Variants in ADAMTS17 observed in about 807,000 individuals in gnomAD.
ADAMTS17 encodes ADAM metallopeptidase with thrombospondin type 1 motif 17, also known as A disintegrin and metalloproteinase with thrombospondin motifs 17.
A neutral mutation model predicts 141.5 loss-of-function variants in ADAMTS17; 113 were observed. The observed-to-expected ratio is 0.80, with a 90% CI of 0.69 to 0.93. The LOEUF (loss-of-function observed/expected upper bound fraction) is 0.93, where lower values mean the gene tolerates loss of function less well. Among genes scored for constraint, ADAMTS17 ranks in the 40% least tolerant of loss-of-function variants. The pLI, the probability that ADAMTS17 is intolerant of heterozygous loss-of-function variation, is 0.00. For synonymous variants in ADAMTS17, 768 were observed against 630.6 expected (o/e 1.22, Z -3.27); for missense variants, 1,659 against 1,517.9 (o/e 1.09, Z -1.54).
At chr15:100,133,823 G>C (rs1326389922) in intron 10 of ADAMTS17, among the ~76,000 whole-genome samples, 1 of 152,226 alleles carries the variant, frequency 6.6e-6, no homozygotes, top group Non-Finnish European at 1.5e-5. Context: ...TGAAGGACTG[G>C]TACCCCGACA....
intron 3 of ADAMTS17, among the ~76,000 whole-genome samples, chr15:100,285,490 A>G (rs1196976151): frequency 1.3e-5 from 2 of 152,252 alleles, no homozygotes; most frequent in African/African-American, 4.8e-5. Context: ...CAATACGTAG[A>G]TCAAAAAATA....
At chr15:100,242,682 C>A (rs2042862988) in intron 7 of ADAMTS17, among the ~76,000 whole-genome samples, 1 of 152,204 alleles carries the variant, frequency 6.6e-6, no homozygotes. Flanking sequence ...GGGGAGAAGG[C>A]AGGAGGAGCT....
chr15:100,085,701 T>G (rs890868994), intron 15 of ADAMTS17, among the ~76,000 whole-genome samples: 1 of 150,424 alleles, frequency 6.6e-6, no homozygotes. Flanking sequence ...TCAACATTCT[T>G]AAAGAAAAGA....
At chr15:100,240,541 A>G (rs1489523460) in intron 7 of ADAMTS17, among the ~76,000 whole-genome samples, 3 of 152,158 alleles carry the variant, frequency 2.0e-5, no homozygotes, top group Non-Finnish European at 4.4e-5. Context: ...ACAGAAGTTA[A>G]TCACTGGAGA....
intron 13 of ADAMTS17, among the ~76,000 whole-genome samples, chr15:100,114,914 C>T (rs1370130517): frequency 6.6e-6 from 1 of 152,208 alleles, no homozygotes; most frequent in Non-Finnish European, 1.5e-5. Context: ...TGTGGAAACA[C>T]AGACATTTCA....
Position 100,152,729 on chromosome 15 carries a change from G to A in ADAMTS17, c.1356C>T (p.Asp452=), listed in dbSNP as rs1430410927. Residue 452 remains aspartate, a synonymous_variant, in exon 10 of 22, where the codon GAC becomes GAT. Transcript: ENST00000268070. ...GGCGTACTGTGTGCTGGCTTCTGGG[G>A]TCCGTGACTAGCAAGCAGGTGCTGA... ...SKVSTCLLVT[D]PRSQHTVRLP... is the part of the protein sequence containing the mutation. The A allele has an allele frequency of 6.2e-7, 1 of 1,614,258 alleles. No homozygotes were observed. Among genetic ancestry groups the A allele is most frequent in the East Asian group, 2.2e-5 (1 of 44,886 alleles).
intron 4 of ADAMTS17, among the ~76,000 whole-genome samples, chr15:100,267,058 G>A (rs566257502): frequency 1.1e-4 from 17 of 152,228 alleles, no homozygotes; most frequent in African/African-American, 3.6e-4. Context: ...GTACTTACCT[G>A]TAGTGTTAAT....
intron 12 of ADAMTS17, among the ~76,000 whole-genome samples, chr15:100,120,869 G>T (rs984039046): frequency 1.3e-5 from 2 of 152,212 alleles, no homozygotes; most frequent in Non-Finnish European, 2.9e-5. Context: ...AAAATGTATT[G>T]GCGGAGCCTG....
intron 18 of ADAMTS17, among the ~76,000 whole-genome samples, chr15:100,025,505 G>A (rs1567688937): frequency 6.6e-6 from 1 of 151,116 alleles, no homozygotes; most frequent in Non-Finnish European, 1.5e-5. Context: ...TCCACCCCCA[G>A]GGTTCAAGCA....
intron 18 of ADAMTS17, among the ~76,000 whole-genome samples, chr15:100,040,160 G>C (rs1240004598): frequency 6.6e-6 from 1 of 152,204 alleles, no homozygotes; most frequent in Non-Finnish European, 1.5e-5. Flanking sequence ...AGTCCGCCAA[G>C]AATGACCTTC....
intron 7 of ADAMTS17, among the ~76,000 whole-genome samples, chr15:100,202,547 C>A (rs1013098809): frequency 6.6e-6 from 1 of 152,154 alleles, no homozygotes; most frequent in African/African-American, 2.4e-5. Context: ...TGGAGAAAAT[C>A]CCAGGTTGTT....
At chr15:99,994,674 C>G (rs2060762487) in intron 19 of ADAMTS17, among the ~76,000 whole-genome samples, 2 of 152,214 alleles carry the variant, frequency 1.3e-5, no homozygotes, top group Admixed American at 6.5e-5. Flanking sequence ...TCAAGCGATT[C>G]TCCTGCCTCA....
intron 18 of ADAMTS17, among the ~76,000 whole-genome samples, chr15:100,043,174 G>A (rs757755800): frequency 6.6e-6 from 1 of 152,148 alleles, no homozygotes; most frequent in African/African-American, 2.4e-5. Flanking sequence ...ATCAACAAAT[G>A]AGCAAACAAA....
chr15:100,110,003 T>C (rs1467973827), intron 13 of ADAMTS17, among the ~76,000 whole-genome samples: 3 of 151,960 alleles, frequency 2.0e-5, no homozygotes, highest in Non-Finnish European at 2.9e-5. Context: ...AAGGGATTTA[T>C]TATAAGGCAG....
intron 13 of ADAMTS17, among the ~76,000 whole-genome samples, chr15:100,109,460 G>A (rs909129623): frequency 3.4e-5 from 5 of 146,482 alleles, no homozygotes; most frequent in Non-Finnish European, 4.5e-5. Context: ...GGGAGCTGGA[G>A]CCACTCTTAT....
At chr15:100,255,166 G>A (rs886881227) in intron 6 of ADAMTS17, among the ~76,000 whole-genome samples, 4 of 152,112 alleles carry the variant, frequency 2.6e-5, no homozygotes, top group African/African-American at 7.2e-5. Context: ...GGGAAACCAG[G>A]GGTCTAGGCT....
chr15:100,094,214 T>C (rs1171956816), intron 15 of ADAMTS17, among the ~76,000 whole-genome samples: 1 of 152,234 alleles, frequency 6.6e-6, no homozygotes, highest in African/African-American at 2.4e-5. Context: ...GAGGCTTCTG[T>C]GCCTTGGCAG....
chr15:100,024,217 C>A (rs144364110), intron 18 of ADAMTS17, among the ~76,000 whole-genome samples: 1 of 152,100 alleles, frequency 6.6e-6, no homozygotes, highest in African/African-American at 2.4e-5. Context: ...GTCGGCCTCC[C>A]GAATAGCTGG....
intron 20 of ADAMTS17, among the ~76,000 whole-genome samples, chr15:99,989,608 A>C (rs2573601): frequency 1.3e-5 from 2 of 152,066 alleles, no homozygotes; most frequent in African/African-American, 4.8e-5. Context: ...CCAGTGTGTT[A>C]CTTATGGATC....
Sources: gnomAD v4.1 joint callset for allele counts (sites outside exome capture counted in the v4.1 genomes callset) on GRCh38, gnomAD v4.1.1 for gene constraint, MANE v1.5 for transcripts, NCBI Gene and HGNC (gene_info 2026-07-23, HGNC 2026-07-21) for gene names.